ABLIM1: variants seen among roughly 807,000 people sequenced by gnomAD.
ABLIM1 encodes the protein actin binding LIM protein 1.
A neutral mutation model predicts 107.0 loss-of-function variants in ABLIM1; 40 were observed. The ratio of observed to expected loss-of-function variants is 0.37; its 90% CI spans 0.29 to 0.49. The LOEUF (loss-of-function observed/expected upper bound fraction) is 0.49, where lower values mean the gene tolerates loss of function less well. Ranked by LOEUF, ABLIM1 falls within the 20% of genes least tolerant of loss-of-function variation. ABLIM1 has a pLI of 0.97. For missense variants in ABLIM1, 857 were observed against 1,008.5 expected (o/e 0.85, Z 2.04); for synonymous variants, 357 against 357.3 (o/e 1.00, Z 0.01).
At chr10:114,559,675 C>T (rs1212352262) in intron 4 of ABLIM1, among the ~76,000 whole-genome samples, 1 of 152,112 alleles carries the variant, frequency 6.6e-6, no homozygotes, top group Non-Finnish European at 1.5e-5. Context: ...ATAATCCAGA[C>T]ATGCCTTGCA....
At chr10:114,658,701 C>A (rs935570920), upstream of ABLIM1, among the ~76,000 whole-genome samples, 3 of 152,118 alleles carry the variant, frequency 2.0e-5, no homozygotes, top group Non-Finnish European at 4.4e-5. Flanking sequence ...GATAAAGATC[C>A]TCAGCTTCAA....
the ABLIM1 span, chr10:114,778,338 T>C: frequency 1.3e-5 from 2 of 152,408 alleles, no homozygotes; most frequent in East Asian, 1.9e-4. Flanking sequence ...CACTACAGCA[T>C]GGGTGACAGA....
At chr10:114,669,700 G>T (rs1407444108) in intron 1 of ABLIM1, among the ~76,000 whole-genome samples, 2 of 152,102 alleles carry the variant, frequency 1.3e-5, no homozygotes, top group Non-Finnish European at 2.9e-5. Flanking sequence ...TACAATATAG[G>T]AATTTTCAAG....
At chr10:114,657,172 A>T (rs2079563028) in intron 1 of ABLIM1, among the ~76,000 whole-genome samples, 1 of 152,236 alleles carries the variant, frequency 6.6e-6, no homozygotes, top group Admixed American at 6.5e-5. Context: ...CTGTCCAAGA[A>T]TGACGAGGAA....
intron 6 of ABLIM1, among the ~76,000 whole-genome samples, chr10:114,507,700 C>T (rs534481888): frequency 1.6e-4 from 25 of 152,296 alleles, no homozygotes; most frequent in Non-Finnish European, 2.8e-4. Flanking sequence ...ATCTAGGGAC[C>T]GTGCCATGGC....
At chr10:114,639,454 C>T (rs1362029302) in intron 1 of ABLIM1, among the ~76,000 whole-genome samples, 2 of 152,206 alleles carry the variant, frequency 1.3e-5, no homozygotes, top group African/African-American at 4.8e-5. Flanking sequence ...TTCTATCATG[C>T]CACACCGGCC....
chr10:114,747,249 G>A (rs904981203), intron 1 of ABLIM1, among the ~76,000 whole-genome samples: 6 of 152,194 alleles, frequency 3.9e-5, no homozygotes, highest in African/African-American at 1.4e-4. Flanking sequence ...GAAAAGTGAA[G>A]TGGGCCATCC....
chr10:114,599,038 A>T (rs1172456737), intron 2 of ABLIM1, among the ~76,000 whole-genome samples: 30 of 152,336 alleles, frequency 2.0e-4, no homozygotes, highest in South Asian at 2.1e-4. Context: ...GGGATAAGGC[A>T]TGGGGAACCT....
intron 1 of ABLIM1, among the ~76,000 whole-genome samples, chr10:114,721,526 G>T (rs1268829441): frequency 6.6e-6 from 1 of 152,072 alleles, no homozygotes; most frequent in Non-Finnish European, 1.5e-5. Flanking sequence ...CTGTCACACA[G>T]GCTGGGGTGC....
chr10:114,468,865 C>T (rs908729988), intron 10 of ABLIM1, among the ~76,000 whole-genome samples: 11 of 151,794 alleles, frequency 7.2e-5, no homozygotes, highest in Non-Finnish European at 1.2e-4. Context: ...TCCTGGCTAA[C>T]ATGGTGAAAC....
rs1211471741 is a variant in ABLIM1, at chr10:114,629,352, C to G, written c.245-27391G>C. 6.6e-6 allele frequency among the ~76,000 whole-genome samples: 1 copy of G among 152,174 alleles called. No individual in the cohort carries two copies. The highest frequency in any genetic ancestry group is 1.5e-5 in the Non-Finnish European group (1 of 68,028). On this transcript the variant is annotated intron_variant, in intron 1 of 22. Transcript: ENST00000533213. This position sits in a 1 kb window ranked among gnomAD's most constrained non-coding sequence, Gnocchi z 4.0. ...GACCCGAGCCTCCTCGAGTTGATTC[C>G]TGACAGCTCCACAGGGAAGGAAGGA...
In ABLIM1 at chr10:114,619,896, T is replaced by C. The variant is rs1473620383; in HGVS notation, c.245-17935A>G. On this transcript the variant is annotated intron_variant, in intron 1 of 22. Coordinates refer to ENST00000533213, the MANE Select transcript of ABLIM1 (RefSeq NM_002313.7). This position sits in a 1 kb window ranked among gnomAD's most constrained non-coding sequence, Gnocchi z 4.1. Reference sequence around the variant, plus strand: ...AGCACCCAAGACAGATGACACCAAATTCCGGCCAACTTCTGTTAAGGATAA... The same window carrying C: ...AGCACCCAAGACAGATGACACCAAACTCCGGCCAACTTCTGTTAAGGATAA... 6.6e-6 allele frequency among the ~76,000 whole-genome samples: 1 copy of C among 152,182 alleles called. No homozygotes were observed. Among genetic ancestry groups the C allele is most frequent in the African/African-American group, 2.4e-5 (1 of 41,450 alleles).
chr10:114,628,771 C>A (rs1212967935), intron 1 of ABLIM1, among the ~76,000 whole-genome samples: 1 of 152,144 alleles, frequency 6.6e-6, no homozygotes, highest in African/African-American at 2.4e-5. Flanking sequence ...AGAGCTTAAT[C>A]TCTAATATTT....
chr10:114,613,770 C>T (rs2076965005), intron 1 of ABLIM1: 11 of 1,296,166 alleles, frequency 8.5e-6, no homozygotes, highest in South Asian at 5.0e-5. Context: ...TCTAGAACTA[C>T]TCTCTAAACA....
chr10:114,644,611 C>G (rs1006402353), intron 1 of ABLIM1, among the ~76,000 whole-genome samples: 3 of 152,022 alleles, frequency 2.0e-5, no homozygotes, highest in Non-Finnish European at 4.4e-5. Context: ...CTATGGATGA[C>G]TAGGTTGTTA....
intron 1 of ABLIM1, among the ~76,000 whole-genome samples, chr10:114,715,979 G>A (rs559039598): frequency 6.6e-6 from 1 of 152,300 alleles, no homozygotes; most frequent in South Asian, 2.1e-4. Flanking sequence ...AGCACAATCA[G>A]ATTCCACTAG....
intron 1 of ABLIM1, among the ~76,000 whole-genome samples, chr10:114,625,643 AG>A (rs377161443): frequency 8.2e-4 from 125 of 151,802 alleles, no homozygotes; most frequent in Non-Finnish European, 1.2e-3. Flanking sequence ...AATACATAAA[AG>A]GGGGGGGTAC....
intron 12 of ABLIM1, among the ~76,000 whole-genome samples, chr10:114,457,638 G>A (rs998489607): frequency 1.3e-5 from 2 of 152,174 alleles, no homozygotes; most frequent in Non-Finnish European, 2.9e-5. Flanking sequence ...GGGGCCCTAA[G>A]AGGCCATCTG....
intron 1 of ABLIM1, among the ~76,000 whole-genome samples, chr10:114,696,298 C>T (rs1024897004): frequency 6.6e-5 from 10 of 152,284 alleles, no homozygotes; most frequent in Admixed American, 4.6e-4. Flanking sequence ...CTATAGAAGT[C>T]CAAGACCAAA....
Sources: gnomAD v4.1 joint callset for allele counts (sites outside exome capture counted in the v4.1 genomes callset) on GRCh38, gnomAD v4.1.1 for gene constraint, Gnocchi (gnomAD v3.1) non-coding constraint, MANE v1.5 for transcripts, NCBI Gene and HGNC (gene_info 2026-07-23, HGNC 2026-07-21) for gene names.